The following PADI1 variants were observed in gnomAD, a reference collection of about 807,000 sequenced individuals.
PADI1 encodes the protein peptidyl arginine deiminase 1, also known as protein-arginine deiminase type-1.
In PADI1, 65 loss-of-function variants were observed where a neutral mutation model predicts 74.8. The observed-to-expected ratio is 0.87, with a 90% CI of 0.71 to 1.07. The LOEUF (loss-of-function observed/expected upper bound fraction) is 1.07, where lower values mean the gene tolerates loss of function less well. Ranked by LOEUF, PADI1 falls within the 50% of genes least tolerant of loss-of-function variation. The probability of loss-of-function intolerance (pLI) is 0.00; values close to 1 mark genes in which losing one functional copy is unlikely to be tolerated. For synonymous variants in PADI1, 371 were observed against 336.2 expected, an observed-to-expected ratio of 1.10 and a Z score of -1.13; for missense variants, 943 against 854.0, an observed-to-expected ratio of 1.10 and a Z score of -1.30.
intron 8 of PADI1, 36 bp downstream of exon 8, chr1:17,229,087 G>A (rs2072412897): frequency 4.5e-6 from 6 of 1,321,736 alleles, no homozygotes; most frequent in Non-Finnish European, 5.3e-6. Flanking sequence ...CCCCAAGTCT[G>A]GAGTGCAGAG....
At chr1:17,237,103 G>A (rs140247726) in intron 11 of PADI1, among the ~76,000 whole-genome samples, 1 of 152,326 alleles carries the variant, frequency 6.6e-6, no homozygotes, top group Non-Finnish European at 1.5e-5. Flanking sequence ...TTACTGCGAG[G>A]ACCCTAAGGA....
chr1:17,213,805 G>A (rs1414100586), intron 1 of PADI1, among the ~76,000 whole-genome samples: 1 of 152,210 alleles, frequency 6.6e-6, no homozygotes, highest in African/African-American at 2.4e-5. Flanking sequence ...CAGGAGGCGG[G>A]CAGGGGTGGA....
chr1:17,205,305 C>A lies in PADI1; in HGVS notation c.88C>A (p.His30Asn). The A allele has an allele frequency of 6.2e-7, 1 of 1,613,382 alleles. No individual in the cohort carries two copies. The highest frequency in any genetic ancestry group is 8.5e-7 in the Non-Finnish European group (1 of 1,179,410). ...GGGAGTCGAGGCACATGTGGACATT[C>A]ACAGGTAAGAGCTGGGAGGCGCTCT... ...VVGVEAHVDI[H>N]SDVPKGANSF... The change falls in exon 1 of 16, where the codon CAC (histidine) becomes AAC (asparagine). Residue 30 changes from histidine (H) to asparagine (N), a missense_variant. His to Asn is a moderately conservative substitution (Grantham distance 68). Transcript: ENST00000375471.
At chr1:17,209,263 G>A (rs1019005305) in intron 1 of PADI1, among the ~76,000 whole-genome samples, 1 of 152,144 alleles carries the variant, frequency 6.6e-6, no homozygotes, top group South Asian at 2.1e-4. Flanking sequence ...GCCCCTGGCT[G>A]GACACATTCT....
chr1:17,205,895 T>G (rs1004550791), intron 1 of PADI1, among the ~76,000 whole-genome samples: 5 of 152,128 alleles, frequency 3.3e-5, no homozygotes, highest in Non-Finnish European at 7.4e-5. Flanking sequence ...CTGATTATGG[T>G]GATGAACAGT....
intron 1 of PADI1, 34 bp from the exon 2 acceptor site, chr1:17,222,256 G>A (rs759708083): frequency 2.6e-6 from 4 of 1,567,900 alleles, no homozygotes; most frequent in Non-Finnish European, 2.6e-6. Flanking sequence ...GAGATGGGAA[G>A]ACTGGTTCTC....
At chr1:17,237,588 G>T in intron 12 of PADI1, 130 bp downstream of exon 12, 1 of 826,906 alleles carries the variant, frequency 1.2e-6, no homozygotes, top group Non-Finnish European at 1.8e-6. Flanking sequence ...GACATTTTCT[G>T]GGTCAGGGCA....
intron 7 of PADI1, 35 bp from the exon 8 acceptor site, chr1:17,228,913 C>T (rs958938838): frequency 3.8e-6 from 6 of 1,574,290 alleles, no homozygotes; most frequent in Middle Eastern, 1.9e-4. Context: ...CTAGGGGTCC[C>T]TGCAGGGCCC....
At chr1:17,206,528 A>G (rs1412865587) in intron 1 of PADI1, among the ~76,000 whole-genome samples, 1 of 152,150 alleles carries the variant, frequency 6.6e-6, no homozygotes, top group Non-Finnish European at 1.5e-5. Context: ...CTGTTAACAT[A>G]GGCTTGCCAG....
intron 1 of PADI1, among the ~76,000 whole-genome samples, chr1:17,216,837 T>C (rs2071990901): frequency 6.6e-6 from 1 of 151,892 alleles, no homozygotes; most frequent in Non-Finnish European, 1.5e-5. Context: ...GCCTTTGCAC[T>C]CCAGCCTGGG....
At chr1:17,229,449 T>C (rs1344286762) in intron 8 of PADI1, among the ~76,000 whole-genome samples, 1 of 152,212 alleles carries the variant, frequency 6.6e-6, no homozygotes, top group Non-Finnish European at 1.5e-5. Context: ...ACCCAGTCTC[T>C]GCAAGCCCGA....
chr1:17,212,024 G>A lies in PADI1; in HGVS notation c.92+6715G>A, dbSNP rs539488473. ...TAGCTACCCAGGAAGGTACGTTGAGGCAGAGCCACTGGCAGCACTAATGGG... is the reference window on the plus strand; with the variant it reads ...TAGCTACCCAGGAAGGTACGTTGAGACAGAGCCACTGGCAGCACTAATGGG... On this transcript the variant is annotated intron_variant, in intron 1 of 15. Transcript: ENST00000375471. 2.6e-5 allele frequency among the ~76,000 whole-genome samples: 4 copies of A among 152,316 alleles called. No individual in the cohort carries two copies. The South Asian group carries it at 8.3e-4, about 32-fold the overall frequency.
At position 17,232,984 on chromosome 1, in the gene PADI1, G is replaced by T; in HGVS notation, c.1313+14G>T. The T allele has an allele frequency of 6.3e-7, 1 of 1,588,584 alleles. No individual in the cohort carries two copies. On this transcript the variant is annotated intron_variant, in intron 11 of 15. Coordinates refer to ENST00000375471, the MANE Select transcript of PADI1 (RefSeq NM_013358.3). ...CAGCTTCCCCAAGTGAGGGGCTGGG[G>T]CGGGAGGTGGGGAGGCACAAGGGAA... is the stretch of plus-strand genomic sequence containing the variant.
intron 1 of PADI1, among the ~76,000 whole-genome samples, chr1:17,207,947 C>T (rs1430563558): frequency 6.6e-6 from 1 of 152,182 alleles, no homozygotes; most frequent in Non-Finnish European, 1.5e-5. Flanking sequence ...GAAAGAGGGG[C>T]ATGGAATTGT....
intron 1 of PADI1, among the ~76,000 whole-genome samples, chr1:17,211,992 T>C (rs188496919): frequency 1.3e-5 from 2 of 152,346 alleles, no homozygotes; most frequent in South Asian, 4.1e-4. Context: ...TGGGACCTGA[T>C]GTACAGTAGC....
chr1:17,228,835 G>A (rs748850416), intron 7 of PADI1, 38 bp downstream of exon 7: 5 of 1,608,910 alleles, frequency 3.1e-6, no homozygotes, highest in South Asian at 1.1e-5. Flanking sequence ...GGAGGCTGAG[G>A]GGTTTGGGGG....
At chr1:17,226,278 C>T (rs2072309553) in intron 6 of PADI1, 120 bp downstream of exon 6, 3 of 1,085,788 alleles carry the variant, frequency 2.8e-6, no homozygotes, top group Non-Finnish European at 4.1e-6. Context: ...TTACAAACAA[C>T]CACTCCATCA....
At chr1:17,233,385 C>T (rs11203337) in intron 11 of PADI1, among the ~76,000 whole-genome samples, 396 of 152,336 alleles carry the variant, frequency 2.6e-3, no homozygotes, top group African/African-American at 9.2e-3. Flanking sequence ...TCTGTCCTAA[C>T]CATGGCTTAA....
intron 1 of PADI1, among the ~76,000 whole-genome samples, chr1:17,205,734 G>T (rs1029296146): frequency 2.0e-5 from 3 of 152,166 alleles, no homozygotes; most frequent in Non-Finnish European, 2.9e-5. Context: ...GACGTGTGTG[G>T]TAGCTTGACC....
Sources: allele counts gnomAD v4.1 joint callset (sites outside exome capture counted in the v4.1 genomes callset), GRCh38; gene constraint gnomAD v4.1.1; transcripts MANE v1.5; gene names NCBI Gene and HGNC (gene_info 2026-07-23, HGNC 2026-07-21).